The following CCZ1B variants were observed in gnomAD, a reference collection of about 807,000 sequenced individuals.
The protein encoded by CCZ1B is vacuolar fusion protein CCZ1 homolog B.
In CCZ1B, 25 loss-of-function variants were observed where a neutral mutation model predicts 58.8. That is an observed-to-expected ratio of 0.43 (90% CI 0.31 to 0.59). The LOEUF (loss-of-function observed/expected upper bound fraction) is 0.59, where lower values mean the gene tolerates loss of function less well. Among genes scored for constraint, CCZ1B ranks in the 20% least tolerant of loss-of-function variants. The pLI is 0.12. For missense variants in CCZ1B, 180 were observed against 501.5 expected (o/e 0.36, Z 6.12); for synonymous variants, 66 against 173.2 (o/e 0.38, Z 4.86).
intron 6 of CCZ1B, 65 bp downstream of exon 6, chr7:6,822,216 T>C: frequency 1.3e-6 from 2 of 1,553,838 alleles, no homozygotes; most frequent in Non-Finnish European, 1.7e-6. Context: ...AACTTGTCTG[T>C]CTATATTTCT....
rs369255618 is a variant in CCZ1B at position 6,820,571 on chromosome 7, A to G, written c.523-630T>C. Among the ~76,000 whole-genome samples the G allele has an allele frequency of 5.1e-4, 75 of 147,596 alleles. 4 individuals carry two copies. Among genetic ancestry groups the G allele is most frequent in the South Asian group, 1.3e-3 (6 of 4,622 alleles). ...GCCTCCGTGATTCTCGTGTCTAGGC[A>G]TCCCAAAGCGCTGGGAATACAGGCA... is the stretch of plus-strand genomic sequence containing the variant. On this transcript the variant is annotated intron_variant, in intron 6 of 14. Coordinates refer to ENST00000316731, the MANE Select transcript of CCZ1B (RefSeq NM_198097.5).
intron 7 of CCZ1B, among the ~76,000 whole-genome samples, chr7:6,815,624 A>G (rs1377947215): frequency 6.7e-6 from 1 of 148,888 alleles, no homozygotes; most frequent in Admixed American, 6.7e-5. Context: ...TTTCTTTAAC[A>G]TTATATCAAG....
intron 6 of CCZ1B, 120 bp downstream of exon 6, chr7:6,822,161 C>T: frequency 6.9e-7 from 1 of 1,441,924 alleles, no homozygotes; most frequent in Non-Finnish European, 9.3e-7. Flanking sequence ...CTGTCTCAGG[C>T]TCTTTGCCAC....
intron 14 of CCZ1B, among the ~76,000 whole-genome samples, chr7:6,800,647 TGACA>T (rs1287830444): frequency 1.4e-4 from 20 of 139,374 alleles, no homozygotes; most frequent in Non-Finnish European, 2.3e-4. Context: ...CCAGCCTGTG[TGACA>T]AAGTGAGAAC....
chr7:6,819,730 T>G (rs750919135), intron 7 of CCZ1B, 36 bp downstream of exon 7: 3 of 1,242,230 alleles, frequency 2.4e-6, no homozygotes, highest in African/African-American at 3.3e-5. Context: ...TTATCTTAAT[T>G]TCTTCTTTTA....
chr7:6,811,568 T>A (rs1424650103), intron 10 of CCZ1B: 1 of 267,264 alleles, frequency 3.7e-6, no homozygotes, highest in Non-Finnish European at 7.1e-6. Flanking sequence ...ACGATCCTTA[T>A]GGAATTAGCA....
At chr7:6,811,028 C>T (rs1348330390) in intron 10 of CCZ1B, among the ~76,000 whole-genome samples, 136 of 150,510 alleles carry the variant, frequency 9.0e-4, no homozygotes, top group Non-Finnish European at 1.4e-3. Flanking sequence ...CAGACTGTTT[C>T]CTTTCTTTAA....
chr7:6,803,974 A>G (rs1311006834), intron 12 of CCZ1B, among the ~76,000 whole-genome samples: 1 of 146,734 alleles, frequency 6.8e-6, no homozygotes, highest in Non-Finnish European at 1.5e-5. Context: ...CCAAAAAACA[A>G]CGTATGAACA....
chr7:6,815,423 A>G (rs1057073840), intron 7 of CCZ1B, among the ~76,000 whole-genome samples: 4 of 149,326 alleles, frequency 2.7e-5, no homozygotes, highest in African/African-American at 7.6e-5. Context: ...TCAGCCTCCT[A>G]AAGTGCTGGG....
intron 5 of CCZ1B, 122 bp downstream of exon 5, chr7:6,823,191 T>C (rs1783138540): frequency 7.8e-7 from 1 of 1,282,418 alleles, no homozygotes. Context: ...CATTATTTTC[T>C]TCTCTAAGAC....
intron 6 of CCZ1B, among the ~76,000 whole-genome samples, chr7:6,820,742 C>T (rs1287442544): frequency 1.3e-5 from 2 of 148,700 alleles, no homozygotes; most frequent in Non-Finnish European, 3.0e-5. Flanking sequence ...GCCAACATGG[C>T]AAAACCCCGT....
intron 12 of CCZ1B, among the ~76,000 whole-genome samples, chr7:6,804,241 A>G (rs1478849548): frequency 8.1e-6 from 1 of 123,504 alleles, no homozygotes; most frequent in Non-Finnish European, 1.7e-5. Flanking sequence ...TCTGGCCAAC[A>G]TGGTGAAACC....
At chr7:6,812,148 A>G in intron 9 of CCZ1B, 85 bp from the exon 10 acceptor site, 2 of 1,113,570 alleles carry the variant, frequency 1.8e-6, no homozygotes, top group Non-Finnish European at 2.7e-6. Context: ...CCCACTTCAT[A>G]CACACCAGTT....
chr7:6,824,962 A>T (rs1362049190), intron 1 of CCZ1B, among the ~76,000 whole-genome samples: 3 of 149,192 alleles, frequency 2.0e-5, no homozygotes, highest in African/African-American at 7.6e-5. Context: ...CAACACAGTG[A>T]GACGTCTCTA....
chr7:6,817,708 T>C (rs1248585915), intron 7 of CCZ1B, among the ~76,000 whole-genome samples: 1 of 149,786 alleles, frequency 6.7e-6, no homozygotes, highest in African/African-American at 2.5e-5. Flanking sequence ...TGATAAACTA[T>C]TTGTCAAATT....
At chr7:6,800,707 T>G (rs1250431501) in intron 14 of CCZ1B, among the ~76,000 whole-genome samples, 1 of 144,112 alleles carries the variant, frequency 6.9e-6, no homozygotes, top group African/African-American at 2.7e-5. Context: ...AAGTCATTTT[T>G]TTTTTTTTTT....
chr7:6,817,250 T>C (rs1783019172), intron 7 of CCZ1B, among the ~76,000 whole-genome samples: 1 of 151,632 alleles, frequency 6.6e-6, no homozygotes, highest in South Asian at 2.1e-4. Context: ...GGCGCCAGAT[T>C]GTCCTGTGAC....
intron 7 of CCZ1B, among the ~76,000 whole-genome samples, chr7:6,819,358 C>T: frequency 6.8e-6 from 1 of 147,476 alleles, no homozygotes; most frequent in East Asian, 1.9e-4. Context: ...GCCTCAGCCT[C>T]CTGAGTAGCT....
At chr7:6,817,098 G>C (rs1200640366) in intron 7 of CCZ1B, among the ~76,000 whole-genome samples, 1 of 152,292 alleles carries the variant, frequency 6.6e-6, no homozygotes, top group Non-Finnish European at 1.5e-5. Flanking sequence ...TATTTTTGTT[G>C]CTACTTCCTG....
Sources: gnomAD v4.1 joint callset for allele counts (sites outside exome capture counted in the v4.1 genomes callset) on GRCh38, gnomAD v4.1.1 for gene constraint, MANE v1.5 for transcripts, NCBI Gene and HGNC (gene_info 2026-07-23, HGNC 2026-07-21) for gene names.